CR1: variants seen among roughly 807,000 people sequenced by gnomAD.
CR1 encodes complement C3b/C4b receptor 1 (Knops blood group).
Under a neutral mutation model 187.3 loss-of-function variants are expected in CR1, and 116 were observed. The observed-to-expected ratio is 0.62, with a 90% CI of 0.53 to 0.72. The LOEUF (loss-of-function observed/expected upper bound fraction) is 0.72. Among genes scored for constraint, CR1 ranks in the 30% least tolerant of loss-of-function variants. The pLI, the probability that CR1 is intolerant of heterozygous loss-of-function variation, is 0.00. For synonymous variants in CR1, 576 were observed against 747.1 expected (o/e 0.77, Z 3.73); for missense variants, 1,731 against 2,110.7 (o/e 0.82, Z 3.52).
Position 207,611,716 on chromosome 1 carries a change from C to A in CR1, c.6335C>A (p.Thr2112Asn). ...PPPEILHGEH[T>N]LSHQDNFSPG... The stretch of plus-strand genomic sequence containing the variant: ...CCAGAAATCCTGCATGGTGAGCATA[C>A]CCTAAGCCATCAGGACAACTTTTCA... Residue 2112 changes from threonine (T) to asparagine (N), a missense_variant, in exon 38 of 47, where the codon ACC (threonine) becomes AAC (asparagine). Around this residue, in one of 5 missense-constraint regions of CR1, gnomAD observed 1,312 missense variants for 1,379.6 expected, o/e 0.95. Transcript: ENST00000367049. The A allele has an allele frequency of 1.9e-6, 3 of 1,613,938 alleles. No individual in the cohort carries two copies. The highest frequency in any genetic ancestry group is 2.5e-6 in the Non-Finnish European group (3 of 1,179,884).
chr1:207,599,611 C>A (rs928286988), intron 35 of CR1, among the ~76,000 whole-genome samples: 3 of 152,118 alleles, frequency 2.0e-5, no homozygotes, highest in African/African-American at 4.8e-5. Context: ...AATCATAAGA[C>A]GTCTACTATG....
At chr1:207,579,224 C>A (rs574701021) in intron 29 of CR1, among the ~76,000 whole-genome samples, 4 of 152,172 alleles carry the variant, frequency 2.6e-5, no homozygotes, top group African/African-American at 9.7e-5. Context: ...TTTTTGATGG[C>A]TCATCTTGTC....
chr1:207,498,600 T>A (rs1659161517), intron 1 of CR1, among the ~76,000 whole-genome samples: 1 of 152,062 alleles, frequency 6.6e-6, no homozygotes, highest in African/African-American at 2.4e-5. Context: ...TAAAGATGGC[T>A]GGGGACAGTG....
intron 35 of CR1, among the ~76,000 whole-genome samples, chr1:207,597,403 C>A (rs1410409963): frequency 6.6e-6 from 1 of 152,068 alleles, no homozygotes; most frequent in Non-Finnish European, 1.5e-5. Flanking sequence ...AAGACCTGTG[C>A]ACTGAAAACT....
chr1:207,591,740 C>A (rs955510610), intron 35 of CR1, among the ~76,000 whole-genome samples: 8 of 152,014 alleles, frequency 5.3e-5, no homozygotes, highest in Non-Finnish European at 7.4e-5. Context: ...CAAATAGACA[C>A]AATAAAAAAT....
At chr1:207,617,507 A>ATATATATATATATATATATATATGTGTG (rs1332301171) in intron 41 of CR1, among the ~76,000 whole-genome samples, 12 of 47,006 alleles carry the variant, frequency 2.6e-4, no homozygotes, top group Middle Eastern at 9.1e-3. Context: ...ATATATATAT[A>ATATATATATATATATATATATATGTGTG]TGTGTGTGTG....
At position 207,640,044 on chromosome 1, in the gene CR1, A is replaced by C. The variant is rs903926548; in HGVS notation, c.*635A>C. ...TTTCTCTAGGGAGAAAAATTAATTTACTAGAAAGGCATGAAATGATCATGG... is the reference window on the plus strand; with the variant it reads ...TTTCTCTAGGGAGAAAAATTAATTTCCTAGAAAGGCATGAAATGATCATGG... On this transcript the variant is annotated 3_prime_UTR_variant, in exon 47 of 47. Coordinates refer to ENST00000367049, the MANE Select transcript of CR1 (RefSeq NM_000651.6). 6.6e-6 allele frequency: 1 copy of C among 152,248 alleles called. No individual in the cohort carries two copies. Among genetic ancestry groups the C allele is most frequent in the African/African-American group, 2.4e-5 (1 of 41,460 alleles). The allele number at this position is 152,248 out of a possible 1,614,324, so 9.4% of individuals were successfully genotyped here.
At chr1:207,596,059 ATATC>A (rs984153458) in intron 35 of CR1, among the ~76,000 whole-genome samples, 19 of 79,350 alleles carry the variant, frequency 2.4e-4, no homozygotes, top group African/African-American at 1.2e-3. Flanking sequence ...ATATCTATAT[ATATC>A]TATATCTATA....
At chr1:207,624,536 A>G (rs1165812215) in intron 45 of CR1, among the ~76,000 whole-genome samples, 1 of 152,254 alleles carries the variant, frequency 6.6e-6, no homozygotes, top group East Asian at 1.9e-4. Flanking sequence ...AGATGCCAAT[A>G]TACTTTTTAA....
chr1:207,503,300 C>T (rs1468177482), intron 1 of CR1, among the ~76,000 whole-genome samples: 1 of 152,076 alleles, frequency 6.6e-6, no homozygotes, highest in East Asian at 1.9e-4. Context: ...TCTATGAACC[C>T]AACATTTTTA....
At chr1:207,500,656 A>G (rs1368766116) in intron 1 of CR1, among the ~76,000 whole-genome samples, 13 of 152,228 alleles carry the variant, frequency 8.5e-5, no homozygotes. Flanking sequence ...GAGTAACTGG[A>G]ATTATAATAT....
At chr1:207,499,453 TCTC>T (rs1036079409) in intron 1 of CR1, among the ~76,000 whole-genome samples, 1 of 152,150 alleles carries the variant, frequency 6.6e-6, no homozygotes, top group Non-Finnish European at 1.5e-5. Context: ...GGTGCTGAAG[TCTC>T]CTTATCAGAA....
chr1:207,587,592 T>C, intron 34 of CR1, 27 bp downstream of exon 34: 1 of 1,602,266 alleles, frequency 6.2e-7, no homozygotes, highest in Non-Finnish European at 8.5e-7. Flanking sequence ...TGGGAACTAC[T>C]TCATGTCTGT....
In CR1 at chr1:207,620,026, G is replaced by A; in HGVS notation, c.7213G>A (p.Asp2405Asn). 1 of 1,613,486 alleles carries A rather than the reference G, an allele frequency of 6.2e-7. No individual in the cohort carries two copies. The highest frequency in any genetic ancestry group is 8.5e-7 in the Non-Finnish European group (1 of 1,179,768). ...CAGTCCCTGGAGCCAGTGCCAGGCG[G>A]ATGACAGATGGGACCCTCCTCTGGC... ...EGSPWSQCQA[D>N]DRWDPPLAKC... The change falls in exon 43 of 47, where the codon GAT (aspartate) becomes AAT (asparagine). Residue 2405 changes from aspartate (D) to asparagine (N), a missense_variant. Asp to Asn is a conservative substitution (Grantham distance 23). Transcript: ENST00000367049.
chr1:207,601,065 C>T (rs922094850), intron 35 of CR1, among the ~76,000 whole-genome samples: 1 of 151,696 alleles, frequency 6.6e-6, no homozygotes, highest in East Asian at 1.9e-4. Context: ...TAAAAGGCTG[C>T]TGGAGTAAGG....
In CR1 at chr1:207,587,403, G is replaced by A. The variant is rs1222143870; in HGVS notation, c.5548G>A (p.Glu1850Lys). The A allele has an allele frequency of 6.2e-7, 1 of 1,613,508 alleles. No individual in the cohort carries two copies. The highest frequency in any genetic ancestry group is 8.5e-7 in the Non-Finnish European group (1 of 1,179,572). Residue 1850 changes from glutamate (E) to lysine (K), a missense_variant, in exon 34 of 47, where the codon GAG becomes AAG. Glu to Lys is a moderately conservative substitution (Grantham distance 56). Transcript: ENST00000367049. ...SVRAGHCKTP[E>K]QFPFASPTIP... ...CTCTCCAGGTCACTGTAAAACCCCA[G>A]AGCAGTTTCCATTTGCCAGTCCTAC... is the stretch of plus-strand genomic sequence containing the variant.
At chr1:207,592,077 C>G (rs1236158087) in intron 35 of CR1, among the ~76,000 whole-genome samples, 2 of 152,156 alleles carry the variant, frequency 1.3e-5, no homozygotes, top group African/African-American at 4.8e-5. Context: ...AGAGGGACTC[C>G]TCCCTAACTC....
At chr1:207,631,888 A>G (rs1396230690) in intron 46 of CR1, among the ~76,000 whole-genome samples, 1 of 152,164 alleles carries the variant, frequency 6.6e-6, no homozygotes, top group African/African-American at 2.4e-5. Context: ...TCCTTTCTTT[A>G]TGTCCTACCT....
chr1:207,516,280 C>G (rs969996349), intron 4 of CR1, among the ~76,000 whole-genome samples: 2 of 152,126 alleles, frequency 1.3e-5, no homozygotes, highest in African/African-American at 4.8e-5. Flanking sequence ...TAGTGCAATG[C>G]GACACCACCA....
Sources: gnomAD v4.1 joint callset for allele counts (sites outside exome capture counted in the v4.1 genomes callset) on GRCh38, gnomAD v4.1.1 for gene constraint, gnomAD v4.1.1 regional missense constraint, MANE v1.5 for transcripts, NCBI Gene and HGNC (gene_info 2026-07-23, HGNC 2026-07-21) for gene names.